TNRC6B: variants seen among roughly 807,000 people sequenced by gnomAD.
TNRC6B encodes trinucleotide repeat containing adaptor 6B, also known as trinucleotide repeat-containing gene 6B protein.
TNRC6B carries 52 observed loss-of-function variants against 203.6 expected under a neutral mutation model. The ratio of observed to expected loss-of-function variants is 0.26; its 90% CI spans 0.20 to 0.32. TNRC6B has a LOEUF of 0.32. Ranked by LOEUF, TNRC6B falls within the 10% of genes least tolerant of loss-of-function variation. The pLI is 1.00. For synonymous variants in TNRC6B, 838 were observed against 845.7 expected, an observed-to-expected ratio of 0.99 and a Z score of 0.16; for missense variants, 1,923 against 2,286.2, an observed-to-expected ratio of 0.84 and a Z score of 3.24.
At chr22:40,062,391 T>C (rs1377343576) in intron 1 of TNRC6B, among the ~76,000 whole-genome samples, 1 of 152,094 alleles carries the variant, frequency 6.6e-6, no homozygotes, top group Non-Finnish European at 1.5e-5. Context: ...GTATTTTTAC[T>C]TGAAATGGGG....
chr22:40,099,255 A>G (rs1450372766), intron 1 of TNRC6B, among the ~76,000 whole-genome samples: 3 of 121,810 alleles, frequency 2.5e-5, no homozygotes, highest in Non-Finnish European at 4.6e-5. Flanking sequence ...CTCTGTCTCG[A>G]AAAAAAAAAA....
intron 1 of TNRC6B, among the ~76,000 whole-genome samples, chr22:40,074,385 C>A (rs1406323969): frequency 6.6e-6 from 1 of 152,060 alleles, no homozygotes; most frequent in Non-Finnish European, 1.5e-5. Context: ...TGGCTCATGA[C>A]TGTAATCTCA....
intron 1 of TNRC6B, among the ~76,000 whole-genome samples, chr22:40,066,096 C>A (rs2067891876): frequency 6.6e-6 from 1 of 152,056 alleles, no homozygotes; most frequent in Non-Finnish European, 1.5e-5. Context: ...GAATCTAGCT[C>A]TGGCTCCTCA....
rs370960474 is a variant in TNRC6B, at chr22:40,074,026, G to A, written c.-121+29028G>A. Among the ~76,000 whole-genome samples, 56 of 149,146 alleles carry A rather than the reference G, an allele frequency of 3.8e-4. 1 individual carries two copies. Among genetic ancestry groups the A allele is most frequent in the African/African-American group, 1.4e-3 (55 of 40,292 alleles). On this transcript the variant is annotated intron_variant, in intron 1 of 23. Coordinates refer to the TNRC6B transcript ENST00000301923. ...GGAGGTTGTAGTGAGTGGAGATTGT[G>A]CCACTGCACTCCAGCCTAGGCAATG...
At chr22:40,108,274 TGC>T (rs1022469232) in intron 1 of TNRC6B, among the ~76,000 whole-genome samples, 4 of 152,178 alleles carry the variant, frequency 2.6e-5, no homozygotes, top group Non-Finnish European at 5.9e-5. Context: ...CTGGTGGCAC[TGC>T]TGTCAGCACC....
chr22:40,301,464 T>A, intron 15 of TNRC6B, 131 bp downstream of exon 15: 1 of 1,024,112 alleles, frequency 9.8e-7, no homozygotes, highest in Non-Finnish European at 1.4e-6. Context: ...TATCCCTGGT[T>A]TACAGATGAG....
At chr22:40,074,140 G>A (rs755336446) in intron 1 of TNRC6B, among the ~76,000 whole-genome samples, 7 of 149,992 alleles carry the variant, frequency 4.7e-5, no homozygotes, top group African/African-American at 9.9e-5. Context: ...GCTGAGGCAC[G>A]AGAATTGCTT....
chr22:40,271,725 A>G (rs1447336455), intron 6 of TNRC6B, among the ~76,000 whole-genome samples: 1 of 152,202 alleles, frequency 6.6e-6, no homozygotes, highest in Non-Finnish European at 1.5e-5. Context: ...CCTCTCTTCT[A>G]TCACAAAACC....
intron 12 of TNRC6B, among the ~76,000 whole-genome samples, chr22:40,300,215 C>A (rs2071003869): frequency 6.6e-6 from 1 of 151,626 alleles, no homozygotes. Context: ...AAAATTTATA[C>A]TTTTTATTGT....
chr22:40,197,764 G>C (rs757366671), intron 1 of TNRC6B, among the ~76,000 whole-genome samples: 76 of 151,670 alleles, frequency 5.0e-4, no homozygotes, highest in Non-Finnish European at 6.8e-4. Flanking sequence ...GAGCCACCGT[G>C]CCTGGCTAAT....
At chr22:40,050,445 T>C (rs568262818) in intron 1 of TNRC6B, among the ~76,000 whole-genome samples, 1 of 152,312 alleles carries the variant, frequency 6.6e-6, no homozygotes, top group African/African-American at 2.4e-5. Context: ...TTTTCCGGCC[T>C]TAAGGCTTTT....
intron 1 of TNRC6B, among the ~76,000 whole-genome samples, chr22:40,109,285 T>G (rs768388836): frequency 6.6e-6 from 1 of 152,190 alleles, no homozygotes; most frequent in Non-Finnish European, 1.5e-5. Flanking sequence ...TTATATTCCT[T>G]TGGGTATATA....
At chr22:40,158,242 G>C (rs1318945058) in intron 4 of TNRC6B, among the ~76,000 whole-genome samples, 1 of 152,048 alleles carries the variant, frequency 6.6e-6, no homozygotes, top group Non-Finnish European at 1.5e-5. Flanking sequence ...AGGAGGCTGA[G>C]GCAGGAGAAT....
chr22:40,222,750 T>TTTTTTTTTTTTTC (rs2069730419), intron 1 of TNRC6B, among the ~76,000 whole-genome samples: 1 of 121,758 alleles, frequency 8.2e-6, no homozygotes, highest in Non-Finnish European at 1.7e-5. Context: ...TTTTTTTTTT[T>TTTTTTTTTTTTTC]TTTTTTTTTT....
chr22:40,281,208 T>A lies in TNRC6B; in HGVS notation c.3501T>A (p.Ser1167=). The part of the protein sequence containing the change: ...PFSPSPSYKL[S]PSGSTLPNVS... ...CCCCTTCTCCCAGCTACAAGCTGTC[T>A]CCCTCTGGTTCCACACTACCCAACG... The change falls in exon 11 of 23, where the codon TCT becomes TCA. Residue 1167 remains serine (S), a synonymous_variant. Transcript: ENST00000454349. The A allele has an allele frequency of 1.9e-6, 3 of 1,551,604 alleles. No individual in the cohort carries two copies. Among genetic ancestry groups the A allele is most frequent in the Non-Finnish European group, 2.6e-6 (3 of 1,146,914 alleles).
intron 1 of TNRC6B, among the ~76,000 whole-genome samples, chr22:40,194,244 G>T (rs1392594779): frequency 1.3e-5 from 2 of 152,206 alleles, no homozygotes; most frequent in Admixed American, 6.5e-5. Context: ...ACTTCCTGGG[G>T]TAAACCCCGG....
intron 5 of TNRC6B, among the ~76,000 whole-genome samples, chr22:40,269,381 G>A (rs1432260555): frequency 2.6e-5 from 4 of 151,956 alleles, no homozygotes; most frequent in Admixed American, 6.5e-5. Context: ...AGATCCACCC[G>A]CCTTGGCTCC....
intron 3 of TNRC6B, among the ~76,000 whole-genome samples, chr22:40,260,088 C>T (rs566502652): frequency 2.6e-5 from 4 of 152,114 alleles, no homozygotes; most frequent in East Asian, 3.9e-4. Context: ...GACATTCCCA[C>T]GCTGTGTGCG....
At chr22:40,168,482 G>T (rs990421766) in intron 4 of TNRC6B, among the ~76,000 whole-genome samples, 1 of 152,126 alleles carries the variant, frequency 6.6e-6, no homozygotes, top group African/African-American at 2.4e-5. Flanking sequence ...TCCAAACGCA[G>T]ATTTAACTTT....
Sources: allele counts gnomAD v4.1 joint callset (sites outside exome capture counted in the v4.1 genomes callset), GRCh38; gene constraint gnomAD v4.1.1; transcripts MANE v1.5; gene names NCBI Gene and HGNC (gene_info 2026-07-23, HGNC 2026-07-21).